Variants in ABCG1 observed in about 807,000 individuals in gnomAD.
ABCG1 encodes ATP binding cassette subfamily G member 1.
ABCG1 carries 29 observed loss-of-function variants against 69.2 expected under a neutral mutation model. The ratio of observed to expected loss-of-function variants is 0.42; its 90% confidence interval spans 0.31 to 0.57. ABCG1 has a LOEUF of 0.57. ABCG1 is among the 20% of genes least tolerant of loss of function. The pLI, the probability that ABCG1 is intolerant of heterozygous loss-of-function variation, is 0.15. For synonymous variants in ABCG1, 370 were observed against 374.8 expected (o/e 0.99, Z 0.15); for missense variants, 718 against 898.1 (o/e 0.80, Z 2.56).
chr21:42,217,381 C>G (rs139921273), upstream of ABCG1, among the ~76,000 whole-genome samples: 2 of 152,228 alleles, frequency 1.3e-5, no homozygotes, highest in South Asian at 4.1e-4. Flanking sequence ...TTCCGTGCCT[C>G]CTCTCGTGCT....
intron 1 of ABCG1, among the ~76,000 whole-genome samples, chr21:42,223,333 T>C (rs2123511192): frequency 6.6e-6 from 1 of 152,294 alleles, no homozygotes; most frequent in Non-Finnish European, 1.5e-5. Context: ...TCGTCCTGCG[T>C]CTCCCCATCT....
At chr21:42,294,239 C>T (rs965419739) in intron 13 of ABCG1, among the ~76,000 whole-genome samples, 1 of 152,192 alleles carries the variant, frequency 6.6e-6, no homozygotes, top group African/African-American at 2.4e-5. Context: ...GAGCAGACGG[C>T]AGTCTGTTGA....
intron 2 of ABCG1, among the ~76,000 whole-genome samples, chr21:42,258,655 C>T (rs1347154500): frequency 6.6e-6 from 1 of 152,218 alleles, no homozygotes; most frequent in African/African-American, 2.4e-5. Flanking sequence ...CTCCATCCAT[C>T]CCTCCATTAA....
chr21:42,272,277 G>A (rs1010747457), intron 3 of ABCG1, among the ~76,000 whole-genome samples: 1 of 152,132 alleles, frequency 6.6e-6, no homozygotes, highest in African/African-American at 2.4e-5. Context: ...ATTCTTGCAG[G>A]GGTGGCTGTT....
chr21:42,202,894 T>A (rs1053849562), intron 2 of ABCG1, among the ~76,000 whole-genome samples: 3 of 152,174 alleles, frequency 2.0e-5, no homozygotes, highest in Non-Finnish European at 4.4e-5. Flanking sequence ...ATTACAGGTG[T>A]GAGCCACAAT....
intron 5 of ABCG1, among the ~76,000 whole-genome samples, chr21:42,281,680 C>T (rs565754763): frequency 4.6e-5 from 7 of 152,140 alleles, no homozygotes; most frequent in Non-Finnish European, 1.0e-4. Context: ...ACTCTGTCCC[C>T]CTCCCCGAGA....
At chr21:42,212,684 G>A (rs1036910832), upstream of ABCG1, among the ~76,000 whole-genome samples, 1 of 151,768 alleles carries the variant, frequency 6.6e-6, no homozygotes, top group African/African-American at 2.4e-5. Flanking sequence ...TGTGAGAAGG[G>A]AAGAAATCAA....
At chr21:42,248,204 GTCA>G (rs1398043040) in intron 2 of ABCG1, among the ~76,000 whole-genome samples, 4 of 152,158 alleles carry the variant, frequency 2.6e-5, no homozygotes, top group Non-Finnish European at 5.9e-5. Context: ...GATCTCCGTC[GTCA>G]TCTGATTTAT....
chr21:42,276,817 C>A lies in ABCG1; in HGVS notation c.538-78C>A, dbSNP rs968858231. 8 of 1,467,820 alleles carry A rather than the reference C, an allele frequency of 5.5e-6. No individual in the cohort carries two copies. In the Admixed American group the frequency reaches 1.0e-4, roughly 19 times the overall value. The allele number at this position is 1,467,820 out of a possible 1,614,324, so 90.9% of individuals were successfully genotyped here. A position where few individuals can be genotyped will look rare whatever the true frequency, so the allele number is the denominator to read the frequency against. ...TGCATCTTGGCTAGCTGCACCGTGG[C>A]CTGCAGTGCGGGCATGAGGCTCACA... On this transcript the variant is annotated intron_variant, in intron 4 of 14. Coordinates refer to ENST00000398449, the MANE Select transcript of ABCG1 (RefSeq NM_016818.3). The surrounding 1 kb of genome is among the most constrained non-coding windows in gnomAD (Gnocchi z 5.3).
chr21:42,273,409 C>T lies in ABCG1; in HGVS notation c.511C>T (p.His171Tyr). The T allele has an allele frequency of 1.2e-6, 2 of 1,613,924 alleles. No individual in the cohort carries two copies. The highest frequency in any genetic ancestry group is 2.2e-5 in the South Asian group (2 of 91,090). Residue 171 changes from histidine to tyrosine, a missense_variant, in exon 4 of 15, where the codon CAT (histidine) becomes TAT (tyrosine). By Grantham distance (83) the His-to-Tyr change is moderately conservative. Around this residue, in one of 2 missense-constraint regions of ABCG1, gnomAD observed 514 missense variants for 574.3 expected, o/e 0.90. Coordinates refer to ENST00000398449, the MANE Select transcript of ABCG1 (RefSeq NM_016818.3). This position sits in a 1 kb window ranked among gnomAD's most constrained non-coding sequence, Gnocchi z 5.3. ...CATGCAGGATGACATGCTGCTGCCG[C>T]ATCTCACTGTGCAGGAGGCCATGAT... ...YIMQDDMLLP[H>Y]LTVQEAMMVS...
chr21:42,281,686 C>T (rs972867160), intron 5 of ABCG1, among the ~76,000 whole-genome samples: 10 of 152,180 alleles, frequency 6.6e-5, no homozygotes, highest in South Asian at 2.1e-4. Context: ...TCCCCCTCCC[C>T]GAGAGCCCTG....
intron 2 of ABCG1, among the ~76,000 whole-genome samples, chr21:42,255,431 C>T (rs1444635821): frequency 5.9e-5 from 9 of 152,060 alleles, no homozygotes; most frequent in Admixed American, 5.2e-4. Flanking sequence ...GGTGTGAGTG[C>T]ACACATGTCC....
At chr21:42,290,283 A>AAGTC in intron 11 of ABCG1, 65 bp downstream of exon 11, 2 of 1,548,280 alleles carry the variant, frequency 1.3e-6, no homozygotes, top group Non-Finnish European at 1.8e-6. Context: ...TGGGGGCCTG[A>AAGTC]AGTCACGCCT....
chr21:42,251,503 C>T (rs1235704652), intron 2 of ABCG1, among the ~76,000 whole-genome samples: 1 of 151,900 alleles, frequency 6.6e-6, no homozygotes, highest in Non-Finnish European at 1.5e-5. Context: ...TTCTTGGGGC[C>T]ACAAAACTGG....
chr21:42,205,111 T>C (rs2067533431), intron 2 of ABCG1, among the ~76,000 whole-genome samples: 1 of 152,080 alleles, frequency 6.6e-6, no homozygotes, highest in Admixed American at 6.6e-5. Context: ...TGAGTTGTAG[T>C]TTGCATCTTG....
rs538894463 is a variant in ABCG1 at position 42,229,739 on chromosome 21, AAAAG to A, written c.286+3842_286+3845del. On this transcript the variant is annotated intron_variant, in intron 2 of 14. Transcript: ENST00000398449. The stretch of plus-strand genomic sequence containing the variant: ...TGTCTCAAAAAAAAAACACAAAAAC[AAAAG>A]AAAGAAAGAAAGAAAGTGCCTGGTC... Among the ~76,000 whole-genome samples the A allele has an allele frequency of 5.9e-5, 9 of 151,610 alleles. No individual in the cohort carries two copies. The South Asian group carries it at 8.4e-4, about 14-fold the overall frequency.
rs2067684869 is a variant in ABCG1 at position 42,219,419 on chromosome 21, G to T, written c.42+115G>T. 9 of 1,427,430 alleles carry T rather than the reference G, an allele frequency of 6.3e-6. No individual in the cohort carries two copies. In the East Asian group the frequency reaches 2.5e-4, roughly 40 times the overall value. The allele number at this position is 1,427,430 out of a possible 1,614,324, so 88.4% of individuals were successfully genotyped here. On this transcript the variant is annotated intron_variant, in intron 1 of 14. Coordinates refer to ENST00000398449, the MANE Select transcript of ABCG1 (RefSeq NM_016818.3). This position sits in a 1 kb window ranked among gnomAD's most constrained non-coding sequence, Gnocchi z 5.3. ...CCCCTCCCAGGAGCGCGTCCTCTGG[G>T]CGCTGACCCAGGGCACCCTAGAGTG...
chr21:42,287,955 G>T lies in ABCG1; in HGVS notation c.1040G>T (p.Gly347Val). 1 of 1,613,792 alleles carries T rather than the reference G, an allele frequency of 6.2e-7. No individual in the cohort carries two copies. Among genetic ancestry groups the T allele is most frequent in the East Asian group, 2.2e-5 (1 of 44,874 alleles). ...CGGCTGGTGAGAGCGGTTCGGGAGG[G>T]CATGTGTGACTCAGACCACAAGAGA... ...NSRLVRAVRE[G>V]MCDSDHKRDL... The change falls in exon 9 of 15, where the codon GGC becomes GTC. Residue 347 changes from glycine (G) to valine (V), a missense_variant. Physicochemically the swap from Gly to Val is moderately radical, Grantham distance 109 (BLOSUM62 -3). This residue lies in a region of ABCG1 where 514 missense variants were observed against 574.3 expected (regional missense o/e 0.90). Transcript: ENST00000398449. This position sits in a 1 kb window ranked among gnomAD's most constrained non-coding sequence, Gnocchi z 6.2.
chr21:42,280,487 G>A (rs117154018), intron 5 of ABCG1, among the ~76,000 whole-genome samples: 1,565 of 152,356 alleles, frequency 0.01, 16 homozygotes, highest in Non-Finnish European at 0.017. Flanking sequence ...CCCCAGGGGG[G>A]CTGGAGCTAC....
Sources: gnomAD v4.1 joint callset for allele counts (sites outside exome capture counted in the v4.1 genomes callset) on GRCh38, gnomAD v4.1.1 for gene constraint, gnomAD v4.1.1 regional missense constraint, Gnocchi (gnomAD v3.1) non-coding constraint, MANE v1.5 for transcripts, NCBI Gene and HGNC (gene_info 2026-07-23, HGNC 2026-07-21) for gene names.